Variants in PRDM16 observed in about 807,000 individuals in gnomAD.
The protein encoded by PRDM16 is histone-lysine N-methyltransferase PRDM16.
In PRDM16, 23 loss-of-function variants were observed where a neutral mutation model predicts 110.6. That is an observed-to-expected ratio of 0.21 (90% CI 0.15 to 0.29). The LOEUF is 0.29. PRDM16 is among the 10% of genes least tolerant of loss of function. The probability of loss-of-function intolerance (pLI) is 1.00; values close to 1 mark genes in which losing one functional copy is unlikely to be tolerated. For missense variants in PRDM16, 1,615 were observed against 1,794.3 expected (o/e 0.90, Z 1.81); for synonymous variants, 799 against 781.8 (o/e 1.02, Z -0.37).
intron 4 of PRDM16, among the ~76,000 whole-genome samples, chr1:3,388,471 A>G (rs561537853): frequency 1.3e-5 from 2 of 152,312 alleles, no homozygotes; most frequent in Admixed American, 1.3e-4. Flanking sequence ...AAGCATCACC[A>G]TCATTTTGAG....
At chr1:3,079,166 G>T (rs1453901919) in intron 1 of PRDM16, among the ~76,000 whole-genome samples, 1 of 152,256 alleles carries the variant, frequency 6.6e-6, no homozygotes, top group African/African-American at 2.4e-5. Context: ...CTCCGCCGCT[G>T]CCCGGGCCTG....
chr1:3,087,483 T>G (rs1642177451), intron 1 of PRDM16, among the ~76,000 whole-genome samples: 1 of 152,220 alleles, frequency 6.6e-6, no homozygotes, highest in Non-Finnish European at 1.5e-5. Flanking sequence ...GTTAGGGTCC[T>G]TCCTTGTCTG....
chr1:3,114,707 G>A (rs942917833), intron 1 of PRDM16, among the ~76,000 whole-genome samples: 2 of 152,380 alleles, frequency 1.3e-5, no homozygotes, highest in African/African-American at 4.8e-5. Context: ...CACACACAGA[G>A]GGAAGGCACC....
chr1:3,410,148 G>C (rs148678392), intron 8 of PRDM16, among the ~76,000 whole-genome samples: 175 of 151,898 alleles, frequency 1.2e-3, no homozygotes, highest in Non-Finnish European at 2.1e-3. Context: ...TGTGGTGTGT[G>C]GTTGTGTGTG....
rs1024769655 is a variant in PRDM16 at position 3,350,162 on chromosome 1, C to CA, written c.439-34984dup. ...ACAACATAGCAAGACCCTATCTCTA[C>CA]AAAAAATACAAAAATTAGCCTGATG... On this transcript the variant is annotated intron_variant, in intron 3 of 16. Transcript: ENST00000270722. This position sits in a 1 kb window ranked among gnomAD's most constrained non-coding sequence, Gnocchi z 7.1. Among the ~76,000 whole-genome samples the CA allele has an allele frequency of 9.9e-5, 15 of 152,266 alleles. No individual in the cohort carries two copies. The highest frequency in any genetic ancestry group is 5.9e-4 in the Admixed American group (9 of 15,310).
intron 1 of PRDM16, among the ~76,000 whole-genome samples, chr1:3,090,779 C>A (rs912645334): frequency 6.6e-6 from 1 of 152,248 alleles, no homozygotes; most frequent in Admixed American, 6.5e-5. Flanking sequence ...TGGGCATTGG[C>A]CCCTGAAGCC....
rs562397485 is a variant in PRDM16, at chr1:3,210,713, T to G, written c.387+24239T>G. On this transcript the variant is annotated intron_variant, in intron 2 of 16. Coordinates refer to ENST00000270722, the MANE Select transcript of PRDM16 (RefSeq NM_022114.4). ...CTCTAGATATGCATTAGTTTATTCA[T>G]TCACAAGATATACATCCACTTGTTC... Among the ~76,000 whole-genome samples the G allele has an allele frequency of 9.9e-4, 151 of 152,372 alleles. 1 individual carries two copies. The highest frequency in any genetic ancestry group is 3.5e-3 in the African/African-American group (144 of 41,596).
At chr1:3,192,140 TTG>T (rs1177025179) in intron 2 of PRDM16, among the ~76,000 whole-genome samples, 2 of 152,156 alleles carry the variant, frequency 1.3e-5, no homozygotes, top group Non-Finnish European at 2.9e-5. Flanking sequence ...CTGCAGGAGA[TTG>T]TGTGTGAGCT....
chr1:3,271,140 A>G (rs953824597), intron 3 of PRDM16, among the ~76,000 whole-genome samples: 1 of 152,200 alleles, frequency 6.6e-6, no homozygotes, highest in Non-Finnish European at 1.5e-5. Context: ...AAGGGCAGAG[A>G]CTGGACATTC....
rs146054075 is a variant in PRDM16 at position 3,250,551 on chromosome 1, C to T, written c.438+6414C>T. Among the ~76,000 whole-genome samples, 587 of 152,238 alleles carry T rather than the reference C, an allele frequency of 3.9e-3. 4 individuals carry two copies. Among genetic ancestry groups the T allele is most frequent in the African/African-American group, 0.014 (562 of 41,530 alleles). On this transcript the variant is annotated intron_variant, in intron 3 of 16. Coordinates refer to ENST00000270722, the MANE Select transcript of PRDM16 (RefSeq NM_022114.4). Reference sequence around the variant, plus strand: ...AAGGATCCCTTAAATCAGCTGAAACCGTCAGATTCGGCTGGGAGAGGTGCA... The same window carrying T: ...AAGGATCCCTTAAATCAGCTGAAACTGTCAGATTCGGCTGGGAGAGGTGCA...
chr1:3,292,208 G>A (rs1481314191), intron 3 of PRDM16, among the ~76,000 whole-genome samples: 2 of 152,216 alleles, frequency 1.3e-5, no homozygotes, highest in African/African-American at 2.4e-5. Context: ...CAATGCCGTC[G>A]CCAGGAGGAA....
intron 5 of PRDM16, among the ~76,000 whole-genome samples, chr1:3,401,746 C>A (rs1001955777): frequency 1.3e-5 from 2 of 152,250 alleles, no homozygotes; most frequent in Admixed American, 1.3e-4. Context: ...CACAAATGCA[C>A]ACACATGCAG....
At chr1:3,114,356 GCA>G (rs147799839) in intron 1 of PRDM16, among the ~76,000 whole-genome samples, 2,809 of 120,940 alleles carry the variant, frequency 0.023, 40 homozygotes, top group Middle Eastern at 0.037. Flanking sequence ...ATGCACACAT[GCA>G]CACACGCACA....
chr1:3,197,029 G>A (rs897697911), intron 2 of PRDM16, among the ~76,000 whole-genome samples: 1 of 152,156 alleles, frequency 6.6e-6, no homozygotes, highest in African/African-American at 2.4e-5. Context: ...TGGCTCATCA[G>A]CATGGCTCCT....
Position 3,293,730 on chromosome 1 carries a change from G to A in PRDM16, c.438+49593G>A, listed in dbSNP as rs569567165. On this transcript the variant is annotated intron_variant, in intron 3 of 16. Transcript: ENST00000270722. ...TGAGCAGGATTTATGGGTGAGTCCA[G>A]CACGGCTGTTTGTGCAGGATGCTCA... is the stretch of plus-strand genomic sequence containing the variant. Among the ~76,000 whole-genome samples, 14 of 152,344 alleles carry A rather than the reference G, an allele frequency of 9.2e-5. No homozygotes were observed. In the South Asian group the frequency reaches 1.0e-3, roughly 11 times the overall value.
In PRDM16 at chr1:3,243,944, C is replaced by T. The variant is rs1639730329; in HGVS notation, c.388-143C>T. ...AGGGATACCTGTGATCAATGGAACC[C>T]TTCATTTCCTGCTGTGGAGAAGCCA... is the stretch of plus-strand genomic sequence containing the variant. On this transcript the variant is annotated intron_variant, in intron 2 of 16. Coordinates refer to ENST00000270722, the MANE Select transcript of PRDM16 (RefSeq NM_022114.4). The surrounding 1 kb of genome is among the most constrained non-coding windows in gnomAD (Gnocchi z 5.5). 2.6e-6 allele frequency: 2 copies of T among 763,868 alleles called. No individual in the cohort carries two copies. The highest frequency in any genetic ancestry group is 4.6e-6 in the Non-Finnish European group (2 of 438,490). 47.3% of individuals were successfully genotyped at this position (763,868 alleles called of 1,614,324 possible).
Position 3,181,692 on chromosome 1 carries a change from G to GCA in PRDM16, c.38-4433_38-4432insCA, listed in dbSNP as rs1174536458. On this transcript the variant is annotated intron_variant, in intron 1 of 16. Coordinates refer to ENST00000270722, the MANE Select transcript of PRDM16 (RefSeq NM_022114.4). Reference sequence around the variant, plus strand: ...GTCTTACACGCGCAGTCTTACACACGGTCTTACACACGGTCTTACACACGC... The same window carrying GCA: ...GTCTTACACGCGCAGTCTTACACACGCAGTCTTACACACGGTCTTACACACGC... Among the ~76,000 whole-genome samples the GCA allele has an allele frequency of 2.8e-3, 257 of 91,134 alleles. 11 individuals carry two copies. Among genetic ancestry groups the GCA allele is most frequent in the Middle Eastern group, 0.018 (2 of 110 alleles). 59.8% of individuals were successfully genotyped at this position (91,134 alleles called of 152,430 possible).
intron 1 of PRDM16, among the ~76,000 whole-genome samples, chr1:3,120,160 T>A (rs1643062969): frequency 6.6e-6 from 1 of 152,098 alleles, no homozygotes; most frequent in Non-Finnish European, 1.5e-5. Flanking sequence ...GTCGGCAGAG[T>A]TATCAGTTCG....
chr1:3,284,583 C>CAGG (rs1293925310), intron 3 of PRDM16, among the ~76,000 whole-genome samples: 1 of 152,146 alleles, frequency 6.6e-6, no homozygotes, highest in Non-Finnish European at 1.5e-5. Flanking sequence ...TTCAGCCCTG[C>CAGG]AGGGAAAGGG....
Sources: allele counts gnomAD v4.1 joint callset (sites outside exome capture counted in the v4.1 genomes callset), GRCh38; gene constraint gnomAD v4.1.1; non-coding constraint Gnocchi (gnomAD v3.1); transcripts MANE v1.5; gene names NCBI Gene and HGNC (gene_info 2026-07-23, HGNC 2026-07-21).